EP400: variants seen among roughly 807,000 people sequenced by gnomAD.
EP400 encodes the protein E1A-binding protein p400.
A neutral mutation model predicts 354.1 loss-of-function variants in EP400; 105 were observed. The ratio of observed to expected loss-of-function variants is 0.30; its 90% CI spans 0.25 to 0.35. The LOEUF (loss-of-function observed/expected upper bound fraction) is 0.35, where lower values mean the gene tolerates loss of function less well. Ranked by LOEUF, EP400 falls within the 10% of genes least tolerant of loss-of-function variation. The pLI is 1.00. For missense variants in EP400, 3,280 were observed against 4,121.0 expected (o/e 0.80, Z 5.59); for synonymous variants, 1,646 against 1,716.9 (o/e 0.96, Z 1.02).
chr12:132,053,561 G>A lies in EP400; in HGVS notation c.7692G>A (p.Gln2564=), dbSNP rs929302966. Residue 2564 remains glutamine (Q), a synonymous_variant, in exon 43 of 53, where the codon CAG becomes CAA. Transcript: ENST00000389561. ...PQPVQAPAKA[Q]PAITTGGSAA... ...CTGTGCAGGCCCCAGCGAAGGCGCA[G>A]CCCGCAATCACGACGGGGGGCAGTG... 6 of 1,564,368 alleles carry A rather than the reference G, an allele frequency of 3.8e-6. No homozygotes were observed. In the Admixed American group the frequency reaches 5.4e-5, roughly 14 times the overall value.
chr12:131,962,087 T>C, intron 2 of EP400, 133 bp downstream of exon 2: 1 of 1,230,214 alleles, frequency 8.1e-7, no homozygotes, highest in South Asian at 1.6e-5. Context: ...GGCAAGGATT[T>C]GACCCATAAG....
At position 132,018,266 on chromosome 12, in the gene EP400, C is replaced by T. The variant is rs139738991; in HGVS notation, c.4167C>T (p.His1389=). 624 of 1,613,788 alleles carry T rather than the reference C, an allele frequency of 3.9e-4. 2 individuals carry two copies. Among genetic ancestry groups the T allele is most frequent in the African/African-American group, 3.5e-3 (262 of 74,972 alleles). The change falls in exon 21 of 53, where the codon CAC becomes CAT. Residue 1389 remains histidine, a synonymous_variant. Coordinates refer to ENST00000389561, the MANE Select transcript of EP400 (RefSeq NM_015409.5). This position sits in a 1 kb window ranked among gnomAD's most constrained non-coding sequence, Gnocchi z 4.0. ...LIGLENKITR[H]EAELLSKKKI... The stretch of plus-strand genomic sequence containing the variant: ...GCTTAGAAAATAAAATCACTCGTCA[C>T]GAGGCAGAGTTGCTGTCTAAGAAAA...
At chr12:132,048,708 A>G (rs1265112767) in intron 39 of EP400, among the ~76,000 whole-genome samples, 1 of 151,922 alleles carries the variant, frequency 6.6e-6, no homozygotes, top group Non-Finnish European at 1.5e-5. Flanking sequence ...TTTTTAGTAG[A>G]GGCATGTCCT....
rs1297731749 is a variant in EP400 at position 132,045,442 on chromosome 12, T to C, written c.6908T>C (p.Ile2303Thr). 1 of 1,614,114 alleles carries C rather than the reference T, an allele frequency of 6.2e-7. No individual in the cohort carries two copies. Among genetic ancestry groups the C allele is most frequent in the African/African-American group, 1.3e-5 (1 of 74,948 alleles). ...GAGGGCAAGGAGCAGAAGAAGAATA[T>C]TCTGCTGAAGCAGCAGGTGCCATTC... ...RREGKEQKKN[I>T]LLKQQVPFAK... Residue 2303 changes from isoleucine (I) to threonine (T), a missense_variant, in exon 38 of 53, where the codon ATT becomes ACT. Ile to Thr is a moderately conservative substitution (Grantham distance 89). Coordinates refer to ENST00000389561, the MANE Select transcript of EP400 (RefSeq NM_015409.5).
rs1380937992 is a variant in EP400 at position 131,960,966 on chromosome 12, G to A, written c.347G>A (p.Gly116Glu). Residue 116 changes from glycine to glutamate, a missense_variant, in exon 2 of 53, where the codon GGG (glycine) becomes GAG (glutamate). Around this residue, in one of 20 missense-constraint regions of EP400, gnomAD observed 172 missense variants for 242.9 expected, o/e 0.71. Transcript: ENST00000389561. ...FSAQPRRFEH[G>E]SPSYIQVTSP... ...GCTCAGCCTCGGCGGTTTGAGCATG[G>A]GTCTCCATCATACATTCAGGTCACG... is the stretch of plus-strand genomic sequence containing the variant. 6.2e-7 allele frequency: 1 copy of A among 1,610,238 alleles called. No homozygotes were observed. Among genetic ancestry groups the A allele is most frequent in the Non-Finnish European group, 8.5e-7 (1 of 1,178,748 alleles).
chr12:132,009,428 G>GACCC (rs766942251), intron 15 of EP400, among the ~76,000 whole-genome samples: 3 of 152,284 alleles, frequency 2.0e-5, no homozygotes, highest in East Asian at 3.9e-4. Flanking sequence ...ATGGGCTAAT[G>GACCC]ACCCAGCATA....
chr12:132,019,830 G>A (rs1358955154), intron 21 of EP400, among the ~76,000 whole-genome samples: 1 of 152,168 alleles, frequency 6.6e-6, no homozygotes, highest in African/African-American at 2.4e-5. Context: ...TACCACTTTG[G>A]TGTACTTAGT....
intron 15 of EP400, among the ~76,000 whole-genome samples, chr12:132,008,223 C>T (rs1030671376): frequency 6.6e-6 from 1 of 152,212 alleles, no homozygotes; most frequent in Admixed American, 6.5e-5. Flanking sequence ...GCTGGGATTA[C>T]AGGCGTGAGC....
rs1160252558 is a variant in EP400, at chr12:132,029,354, A to G, written c.5382-347A>G. On this transcript the variant is annotated intron_variant, in intron 27 of 52. Coordinates refer to ENST00000389561, the MANE Select transcript of EP400 (RefSeq NM_015409.5). The surrounding 1 kb of genome is among the most constrained non-coding windows in gnomAD (Gnocchi z 4.7). ...CTATAGCAGTTCTAGGGTCCACGAG[A>G]CAGTGCACCTTTGTCCCAAAGTTTC... is the stretch of plus-strand genomic sequence containing the variant. The G allele has an allele frequency of 6.0e-6, 2 of 333,402 alleles. No individual in the cohort carries two copies. Among genetic ancestry groups the G allele is most frequent in the African/African-American group, 4.2e-5 (2 of 48,000 alleles). The allele number at this position is 333,402 out of a possible 1,614,324, so 20.7% of individuals were successfully genotyped here. A position where few individuals can be genotyped will look rare whatever the true frequency, so the allele number is the denominator to read the frequency against.
Position 132,018,014 on chromosome 12 carries a change from G to T in EP400, c.4111-196G>T, listed in dbSNP as rs1413970701. On this transcript the variant is annotated intron_variant, in intron 20 of 52. Transcript: ENST00000389561. The surrounding 1 kb of genome is among the most constrained non-coding windows in gnomAD (Gnocchi z 4.0). ...CTGTGAGAAGTAGCTGAGCATGCACGCTCATCAGCAGAGCTTCACCAAGGG... is the reference window on the plus strand; with the variant it reads ...CTGTGAGAAGTAGCTGAGCATGCACTCTCATCAGCAGAGCTTCACCAAGGG... Among the ~76,000 whole-genome samples, 5 of 152,178 alleles carry T rather than the reference G, an allele frequency of 3.3e-5. No individual in the cohort carries two copies. Among genetic ancestry groups the T allele is most frequent in the African/African-American group, 1.2e-4 (5 of 41,452 alleles).
At chr12:131,970,894 A>G (rs1219141759) in intron 2 of EP400, among the ~76,000 whole-genome samples, 1 of 152,198 alleles carries the variant, frequency 6.6e-6, no homozygotes, top group Non-Finnish European at 1.5e-5. Flanking sequence ...GCAAGTTCCA[A>G]GTATACAGTG....
At chr12:131,982,630 T>C (rs1892720974) in intron 5 of EP400, 152 bp downstream of exon 5, 2 of 993,026 alleles carry the variant, frequency 2.0e-6, no homozygotes, top group Non-Finnish European at 2.9e-6. Flanking sequence ...AATTCAGTAC[T>C]TGCAATACAG....
At chr12:132,028,342 C>G (rs1894376217) in intron 27 of EP400, 54 bp downstream of exon 27, 2 of 1,589,004 alleles carry the variant, frequency 1.3e-6, no homozygotes, top group Middle Eastern at 1.8e-4. Flanking sequence ...TGCACCCCGG[C>G]AAGACCCCTT....
chr12:132,040,477 A>C (rs1157449933), intron 32 of EP400, among the ~76,000 whole-genome samples: 1 of 152,190 alleles, frequency 6.6e-6, no homozygotes, highest in East Asian at 1.9e-4. Context: ...TGTCCATCAG[A>C]AGTCTGTGGA....
intron 48 of EP400, chr12:132,065,177 C>T: frequency 3.7e-6 from 2 of 534,636 alleles, no homozygotes; most frequent in East Asian, 3.3e-5. Context: ...CTTCCCTGTG[C>T]TGCTGAGGGA....
intron 45 of EP400, among the ~76,000 whole-genome samples, chr12:132,059,365 G>C (rs893277585): frequency 6.6e-6 from 1 of 152,092 alleles, no homozygotes; most frequent in Non-Finnish European, 1.5e-5. Flanking sequence ...GTGGAGCATG[G>C]TGGGGACGGC....
chr12:131,954,889 G>T (rs1891642903), intron 1 of EP400, among the ~76,000 whole-genome samples: 1 of 152,070 alleles, frequency 6.6e-6, no homozygotes, highest in African/African-American at 2.4e-5. Flanking sequence ...TTAGCTGGCT[G>T]TGGTGGCGTG....
At position 132,067,470 on chromosome 12, in the gene EP400, C is replaced by G. The variant is rs758125883; in HGVS notation, c.8858C>G (p.Ala2953Gly). The change falls in exon 50 of 53, where the codon GCA (alanine) becomes GGA (glycine). Residue 2953 changes from alanine (A) to glycine (G), a missense_variant. Physicochemically the swap from Ala to Gly is moderately conservative, Grantham distance 60 (BLOSUM62 0). Coordinates refer to ENST00000389561, the MANE Select transcript of EP400 (RefSeq NM_015409.5). This position sits in a 1 kb window ranked among gnomAD's most constrained non-coding sequence, Gnocchi z 5.3. ...CAGCCCCAGGCTGCACAGGGCCCGG[C>G]AGCCGTCCAGCAGAAGGTACCGGGG... The part of the protein sequence containing the change: ...AIQPQAAQGP[A>G]AVQQKITAQQ... 4 of 1,612,894 alleles carry G rather than the reference C, an allele frequency of 2.5e-6. No homozygotes were observed. Among genetic ancestry groups the G allele is most frequent in the Non-Finnish European group, 3.4e-6 (4 of 1,179,966 alleles).
Position 132,050,786 on chromosome 12 carries a change from C to A in EP400, c.7394+131C>A. Reference sequence around the variant, plus strand: ...GGCATCAGCTGGACGTGGCAGTGCGCAGAACCTGCAGGAGAGAGGTGCTTT... The same window carrying A: ...GGCATCAGCTGGACGTGGCAGTGCGAAGAACCTGCAGGAGAGAGGTGCTTT... On this transcript the variant is annotated intron_variant, in intron 41 of 52. Transcript: ENST00000389561. This position sits in a 1 kb window ranked among gnomAD's most constrained non-coding sequence, Gnocchi z 4.8. 2 of 1,100,348 alleles carry A rather than the reference C, an allele frequency of 1.8e-6. No homozygotes were observed. The highest frequency in any genetic ancestry group is 2.7e-6 in the Non-Finnish European group (2 of 734,244). The allele number at this position is 1,100,348 out of a possible 1,614,324, so 68.2% of individuals were successfully genotyped here.
Sources: allele counts gnomAD v4.1 joint callset (sites outside exome capture counted in the v4.1 genomes callset), GRCh38; gene constraint gnomAD v4.1.1; regional missense constraint gnomAD v4.1.1; non-coding constraint Gnocchi (gnomAD v3.1); transcripts MANE v1.5; gene names NCBI Gene and HGNC (gene_info 2026-07-23, HGNC 2026-07-21).